DYSF: variants seen among roughly 807,000 people sequenced by gnomAD.
The protein encoded by DYSF is dystrophy-associated fer-1-like 1.
Under a neutral mutation model 274.9 loss-of-function variants are expected in DYSF, and 212 were observed. The observed-to-expected ratio is 0.77, with a 90% CI of 0.69 to 0.86. The LOEUF is 0.86. Ranked by LOEUF, DYSF falls within the 40% of genes least tolerant of loss-of-function variation. The probability of loss-of-function intolerance (pLI) is 0.00; values close to 1 mark genes in which losing one functional copy is unlikely to be tolerated. For synonymous variants in DYSF, 1,091 were observed against 1,078.7 expected (o/e 1.01, Z -0.22); for missense variants, 2,666 against 2,783.2 (o/e 0.96, Z 0.95).
intron 16 of DYSF, among the ~76,000 whole-genome samples, chr2:71,535,788 C>T (rs376969030): frequency 3.2e-4 from 49 of 152,220 alleles, no homozygotes; most frequent in African/African-American, 7.7e-4. Flanking sequence ...GGGGACACCA[C>T]GGCAGCTGTG....
intron 24 of DYSF, among the ~76,000 whole-genome samples, chr2:71,566,037 C>A (rs2092080726): frequency 6.6e-6 from 1 of 152,328 alleles, no homozygotes; most frequent in South Asian, 2.1e-4. Context: ...CCCCCATCCA[C>A]CTGCTCACAT....
At chr2:71,566,817 C>A (rs1349412075) in intron 24 of DYSF, among the ~76,000 whole-genome samples, 1 of 152,186 alleles carries the variant, frequency 6.6e-6, no homozygotes, top group Non-Finnish European at 1.5e-5. Context: ...TGAAGATGAA[C>A]CAAAAGAAGG....
chr2:71,671,649 C>T (rs1401812718), intron 51 of DYSF, among the ~76,000 whole-genome samples: 2 of 152,172 alleles, frequency 1.3e-5, no homozygotes, highest in Non-Finnish European at 2.9e-5. Context: ...CTGGAAAGAG[C>T]TGCTATGAGT....
chr2:71,561,460 T>C (rs2091749985), intron 22 of DYSF, among the ~76,000 whole-genome samples: 1 of 151,996 alleles, frequency 6.6e-6, no homozygotes, highest in Admixed American at 6.6e-5. Context: ...GCAAAAGAAC[T>C]CACTGGACTG....
intron 3 of DYSF, among the ~76,000 whole-genome samples, chr2:71,497,374 C>T (rs1356740189): frequency 1.3e-5 from 2 of 152,108 alleles, no homozygotes; most frequent in East Asian, 3.8e-4. Context: ...GTGGGAGGGA[C>T]CCAGTGGTAG....
At position 71,513,839 on chromosome 2, in the gene DYSF, C is replaced by T. The variant is rs201980470; in HGVS notation, c.677C>T (p.Pro226Leu). Residue 226 changes from proline to leucine, a missense_variant, in exon 7 of 56, where the codon CCG becomes CTG. Transcript: ENST00000410020. ...CCAAGGAAACTACCTTCACGTCCTC[C>T]GCCCCACTACCCCGGGATCAAAAGA... Reference protein sequence around the residue: ...TTPRKLPSRPPPHYPGIKRKR... With the variant: ...TTPRKLPSRPLPHYPGIKRKR... The T allele has an allele frequency of 1.2e-5, 19 of 1,614,216 alleles. No homozygotes were observed. Among genetic ancestry groups the T allele is most frequent in the East Asian group, 8.9e-5 (4 of 44,866 alleles).
intron 41 of DYSF, 70 bp downstream of exon 41, chr2:71,620,679 G>T: frequency 6.9e-7 from 1 of 1,444,502 alleles, no homozygotes; most frequent in South Asian, 1.2e-5. Context: ...GGGGTTAGGA[G>T]GGAAATGGGA....
At chr2:71,533,525 A>G (rs1254278916) in intron 14 of DYSF, among the ~76,000 whole-genome samples, 2 of 152,212 alleles carry the variant, frequency 1.3e-5, no homozygotes, top group Non-Finnish European at 2.9e-5. Context: ...TGGTGGACAC[A>G]TGGGTTGTTC....
At chr2:71,623,080 G>T (rs1377895663) in intron 41 of DYSF, among the ~76,000 whole-genome samples, 1 of 152,200 alleles carries the variant, frequency 6.6e-6, no homozygotes, top group Non-Finnish European at 1.5e-5. Context: ...ATTGGTCATG[G>T]TATTATAGTT....
intron 46 of DYSF, 90 bp from the exon 47 acceptor site, chr2:71,665,072 G>T (rs928500172): frequency 1.9e-6 from 3 of 1,598,992 alleles, no homozygotes; most frequent in African/African-American, 2.7e-5. Flanking sequence ...GGGCAATGCT[G>T]TACATGGGGG....
In DYSF at chr2:71,534,243, G is replaced by T. The variant is rs1055874625; in HGVS notation, c.1381-778G>T. On this transcript the variant is annotated intron_variant, in intron 14 of 55. Transcript: ENST00000410020. ...CTTATCATAGTAAATGCTCTGAAAA[G>T]GCTGCTCATTATTTTCATGTGTAGA... Among the ~76,000 whole-genome samples, 22 of 152,356 alleles carry T rather than the reference G, an allele frequency of 1.4e-4. No homozygotes were observed. In the East Asian group the frequency reaches 3.5e-3, roughly 24 times the overall value.
In DYSF at chr2:71,611,560, G is replaced by T; in HGVS notation, c.4155G>T (p.Gln1385His). ...TAGAGTGTGGGGGCCAGACGGTGCA[G>T]TCCTGTGTCATCAGGAACCTCCGGA... ...LVVECGGQTV[Q>H]SCVIRNLRKN... The change falls in exon 38 of 56, where the codon CAG (glutamine) becomes CAT (histidine). Residue 1385 changes from glutamine (Q) to histidine (H), a missense_variant. Coordinates refer to ENST00000410020, the MANE Select transcript of DYSF (RefSeq NM_001130987.2). 6.2e-7 allele frequency: 1 copy of T among 1,614,088 alleles called. No individual in the cohort carries two copies. Among genetic ancestry groups the T allele is most frequent in the Non-Finnish European group, 8.5e-7 (1 of 1,180,002 alleles).
chr2:71,528,267 C>T (rs1249836148), intron 13 of DYSF, 31 bp from the exon 14 acceptor site: 1 of 1,583,514 alleles, frequency 6.3e-7, no homozygotes, highest in East Asian at 2.2e-5. Flanking sequence ...AGACAGCAGG[C>T]AGGCAGTGAC....
intron 54 of DYSF, 85 bp from the exon 55 acceptor site, chr2:71,682,445 C>T (rs1217101949): frequency 6.4e-7 from 1 of 1,570,428 alleles, no homozygotes; most frequent in Non-Finnish European, 8.8e-7. Flanking sequence ...AGGGCCAGGC[C>T]ATTGGACCTG....
intron 4 of DYSF, among the ~76,000 whole-genome samples, chr2:71,503,791 G>A (rs1317725926): frequency 2.0e-5 from 3 of 151,374 alleles, no homozygotes; most frequent in Non-Finnish European, 4.4e-5. Flanking sequence ...CTTTTCCTCC[G>A]TTGTTCTTCC....
At chr2:71,595,606 T>C (rs1236006097) in intron 32 of DYSF, among the ~76,000 whole-genome samples, 2 of 152,204 alleles carry the variant, frequency 1.3e-5, no homozygotes, top group Non-Finnish European at 2.9e-5. Flanking sequence ...CCGAACAGCC[T>C]GGTGCAGGGC....
chr2:71,500,523 C>G (rs1335502193), intron 3 of DYSF, among the ~76,000 whole-genome samples: 2 of 152,098 alleles, frequency 1.3e-5, no homozygotes, highest in African/African-American at 2.4e-5. Context: ...GTCTCTTGGG[C>G]ATCCAAGAGG....
At chr2:71,554,790 T>G (rs1030733456) in intron 21 of DYSF, among the ~76,000 whole-genome samples, 1 of 152,200 alleles carries the variant, frequency 6.6e-6, no homozygotes, top group African/African-American at 2.4e-5. Flanking sequence ...GGGAACCCCC[T>G]GCAGATGCTG....
chr2:71,519,901 G>A (rs999631098), intron 10 of DYSF, among the ~76,000 whole-genome samples: 1 of 146,094 alleles, frequency 6.8e-6, no homozygotes, highest in Admixed American at 7.0e-5. Context: ...GACTTCAAGT[G>A]ATCCACCTGC....
Sources: gnomAD v4.1 joint callset for allele counts (sites outside exome capture counted in the v4.1 genomes callset) on GRCh38, gnomAD v4.1.1 for gene constraint, MANE v1.5 for transcripts, NCBI Gene and HGNC (gene_info 2026-07-23, HGNC 2026-07-21) for gene names.